The following MCTP1 variants were observed in gnomAD, a reference collection of about 807,000 sequenced individuals.
The protein encoded by MCTP1 is multiple C2 and transmembrane domain containing 1.
A neutral mutation model predicts 120.6 loss-of-function variants in MCTP1; 69 were observed. The ratio of observed to expected loss-of-function variants is 0.57; its 90% CI spans 0.47 to 0.70. The LOEUF (loss-of-function observed/expected upper bound fraction) is 0.70, where lower values mean the gene tolerates loss of function less well. Among genes scored for constraint, MCTP1 ranks in the 30% least tolerant of loss-of-function variants. The pLI is 0.00. For missense variants in MCTP1, 1,203 were observed against 1,248.8 expected (o/e 0.96, Z 0.55); for synonymous variants, 529 against 493.1 (o/e 1.07, Z -0.96).
chr5:95,271,985 A>G (rs464971), intron 1 of MCTP1, among the ~76,000 whole-genome samples: 130,323 of 152,134 alleles, frequency 0.86, 55,934 homozygotes, highest in African/African-American at 0.92. Flanking sequence ...CATTTGTAAA[A>G]ATTATTTCAT....
intron 17 of MCTP1, among the ~76,000 whole-genome samples, chr5:94,808,347 T>C (rs1782770318): frequency 6.6e-6 from 1 of 152,184 alleles, no homozygotes; most frequent in Admixed American, 6.5e-5. Flanking sequence ...TAAAGTATGA[T>C]GTGTTGCTCT....
At chr5:94,756,473 A>G (rs2152827492) in intron 19 of MCTP1, among the ~76,000 whole-genome samples, 1 of 152,280 alleles carries the variant, frequency 6.6e-6, no homozygotes, top group Non-Finnish European at 1.5e-5. Flanking sequence ...TAGGAACTGC[A>G]CTCAACGAGG....
intron 17 of MCTP1, among the ~76,000 whole-genome samples, chr5:94,841,157 C>T (rs1790941231): frequency 6.6e-6 from 1 of 152,118 alleles, no homozygotes; most frequent in South Asian, 2.1e-4. Flanking sequence ...TCTAGGGTTG[C>T]CAGCCCAGTC....
intron 18 of MCTP1, among the ~76,000 whole-genome samples, chr5:94,781,872 TTG>T (rs370418697): frequency 1.1e-3 from 161 of 152,252 alleles, no homozygotes; most frequent in African/African-American, 3.6e-3. Flanking sequence ...CAGAAAAGTG[TTG>T]TGTTAGTGAG....
intron 19 of MCTP1, among the ~76,000 whole-genome samples, chr5:94,765,708 G>GAAAAAAAAAAAAAAAAAAA (rs70978128): frequency 9.2e-6 from 1 of 109,114 alleles, no homozygotes; most frequent in African/African-American, 3.5e-5. Flanking sequence ...TCTCAAAAAA[G>GAAAAAAAAAAAAAAAAAAA]AAAAAAAAAA....
chr5:94,858,918 T>C (rs374625451), intron 17 of MCTP1, among the ~76,000 whole-genome samples: 2 of 151,724 alleles, frequency 1.3e-5, no homozygotes, highest in East Asian at 3.9e-4. Flanking sequence ...TTTCTCCATG[T>C]GATGTTTCCA....
intron 17 of MCTP1, among the ~76,000 whole-genome samples, chr5:94,835,185 T>C (rs2153178427): frequency 6.6e-6 from 1 of 152,292 alleles, no homozygotes; most frequent in East Asian, 1.9e-4. Flanking sequence ...GTTTGAGCAT[T>C]GGGGAAGGGA....
chr5:94,858,807 T>C (rs754939909), intron 17 of MCTP1, among the ~76,000 whole-genome samples: 7 of 151,698 alleles, frequency 4.6e-5, no homozygotes, highest in Non-Finnish European at 1.0e-4. Flanking sequence ...CCTTTTAGGC[T>C]CCTTATCTTT....
At chr5:94,714,977 C>G (rs1413975612) in intron 19 of MCTP1, 91 bp from the exon 20 acceptor site, 1 of 750,514 alleles carries the variant, frequency 1.3e-6, no homozygotes, top group Non-Finnish European at 2.3e-6. Flanking sequence ...CATTTTTAAA[C>G]TTAAATAAAC....
chr5:95,230,894 C>G (rs1315493048), intron 1 of MCTP1, among the ~76,000 whole-genome samples: 1 of 151,888 alleles, frequency 6.6e-6, no homozygotes, highest in Non-Finnish European at 1.5e-5. Context: ...TTAGCACATG[C>G]TGAAAAAAAC....
At chr5:94,868,200 T>A (rs1422698230) in intron 17 of MCTP1, 133 bp downstream of exon 17, 3 of 804,188 alleles carry the variant, frequency 3.7e-6, no homozygotes, top group Non-Finnish European at 5.2e-6. Flanking sequence ...ACGGCAAATC[T>A]GTCCAGTCAA....
At position 94,868,329 on chromosome 5, in the gene MCTP1, A is replaced by G; in HGVS notation, c.2436+4T>C. 5 of 1,595,342 alleles carry G rather than the reference A, an allele frequency of 3.1e-6. No individual in the cohort carries two copies. The highest frequency in any genetic ancestry group is 4.3e-6 in the Non-Finnish European group (5 of 1,172,678). On this transcript the variant is annotated splice_donor_region_variant and intron_variant, in intron 17 of 22. Coordinates refer to ENST00000515393, the MANE Select transcript of MCTP1 (RefSeq NM_024717.7). ...ACAATGTAAGTAATACAGTATGATC[A>G]TACCACAAAAGCAGCGAGACTCCTT...
chr5:95,060,013 G>C (rs983544162), intron 1 of MCTP1, among the ~76,000 whole-genome samples: 1 of 152,176 alleles, frequency 6.6e-6, no homozygotes, highest in Non-Finnish European at 1.5e-5. Context: ...AAGGGTCTTT[G>C]GTGGGACAGA....
intron 1 of MCTP1, among the ~76,000 whole-genome samples, chr5:95,172,936 C>T (rs1406477470): frequency 1.3e-5 from 2 of 152,096 alleles, no homozygotes; most frequent in Non-Finnish European, 2.9e-5. Context: ...GGAACATAGT[C>T]CCTCTTCATT....
intron 1 of MCTP1, among the ~76,000 whole-genome samples, chr5:95,119,192 C>T (rs555750944): frequency 2.0e-5 from 3 of 152,222 alleles, no homozygotes; most frequent in Middle Eastern, 3.4e-3. Flanking sequence ...GCATCTTCCC[C>T]GAACACAATG....
intron 1 of MCTP1, among the ~76,000 whole-genome samples, chr5:95,135,785 A>G (rs910070147): frequency 7.9e-5 from 12 of 152,206 alleles, no homozygotes; most frequent in Admixed American, 2.6e-4. Context: ...CTTTATATAT[A>G]TGTGTCTGTC....
chr5:95,117,088 C>A (rs1049485313), intron 1 of MCTP1, among the ~76,000 whole-genome samples: 2 of 152,020 alleles, frequency 1.3e-5, no homozygotes, highest in Non-Finnish European at 2.9e-5. Context: ...CGGACATGAA[C>A]AGACATTTTT....
intron 17 of MCTP1, among the ~76,000 whole-genome samples, chr5:94,818,112 G>C (rs772995660): frequency 3.9e-5 from 6 of 152,204 alleles, no homozygotes; most frequent in Non-Finnish European, 5.9e-5. Context: ...AGGTAAACCT[G>C]AAGATATTTA....
intron 11 of MCTP1, among the ~76,000 whole-genome samples, chr5:94,894,092 T>C (rs570856723): frequency 2.1e-4 from 32 of 152,334 alleles, no homozygotes; most frequent in African/African-American, 7.5e-4. Context: ...TGATTCACTA[T>C]TCCATACTAT....
Sources: allele counts gnomAD v4.1 joint callset (sites outside exome capture counted in the v4.1 genomes callset), GRCh38; gene constraint gnomAD v4.1.1; transcripts MANE v1.5; gene names NCBI Gene and HGNC (gene_info 2026-07-23, HGNC 2026-07-21).